The following ABLIM1 variants were observed in gnomAD, a reference collection of about 807,000 sequenced individuals.
ABLIM1 encodes actin-binding LIM protein 1.
A neutral mutation model predicts 107.0 loss-of-function variants in ABLIM1; 40 were observed. The observed-to-expected ratio is 0.37, with a 90% CI of 0.29 to 0.49. The LOEUF (loss-of-function observed/expected upper bound fraction) is 0.49. ABLIM1 is among the 20% of genes least tolerant of loss of function. The pLI, the probability that ABLIM1 is intolerant of heterozygous loss-of-function variation, is 0.97. For synonymous variants in ABLIM1, 357 were observed against 357.3 expected (o/e 1.00, Z 0.01); for missense variants, 857 against 1,008.5 (o/e 0.85, Z 2.04).
chr10:114,495,355 C>T (rs1370014083), intron 6 of ABLIM1, among the ~76,000 whole-genome samples: 1 of 151,796 alleles, frequency 6.6e-6, no homozygotes, highest in Non-Finnish European at 1.5e-5. Context: ...CTCTTGGAAC[C>T]TCTATTGTAA....
chr10:114,581,672 G>C (rs2073394073), intron 2 of ABLIM1, among the ~76,000 whole-genome samples: 1 of 151,970 alleles, frequency 6.6e-6, no homozygotes, highest in South Asian at 2.1e-4. Flanking sequence ...GCCTTGGGTG[G>C]GTCCTTTCTT....
chr10:114,497,551 G>C (rs189647668), intron 6 of ABLIM1, among the ~76,000 whole-genome samples: 1 of 151,816 alleles, frequency 6.6e-6, no homozygotes, highest in African/African-American at 2.4e-5. Flanking sequence ...GCTTGGTGGC[G>C]GGCGCCTATA....
At chr10:114,443,977 C>T in intron 17 of ABLIM1, 52 bp downstream of exon 17, 1 of 1,463,348 alleles carries the variant, frequency 6.8e-7, no homozygotes, top group East Asian at 2.3e-5. Flanking sequence ...AGGTGCCTTA[C>T]AAGCAGGTGG....
intron 7 of ABLIM1, among the ~76,000 whole-genome samples, chr10:114,489,664 C>T (rs1320394729): frequency 2.6e-5 from 4 of 152,082 alleles, no homozygotes; most frequent in Admixed American, 1.3e-4. Flanking sequence ...AAGCATTCGC[C>T]GTGAAGGTTC....
the ABLIM1 span, among the ~76,000 whole-genome samples, chr10:114,793,588 C>T: frequency 1.3e-5 from 2 of 152,172 alleles, no homozygotes; most frequent in African/African-American, 4.8e-5. Context: ...GGCCCCAGCT[C>T]CTGCACCTGA....
chr10:114,672,816 T>C (rs1377105499), intron 1 of ABLIM1, among the ~76,000 whole-genome samples: 1 of 152,224 alleles, frequency 6.6e-6, no homozygotes, highest in East Asian at 1.9e-4. Context: ...AGGTTCATTT[T>C]TCCCCCACAT....
At chr10:114,521,290 G>A (rs941436578) in intron 6 of ABLIM1, among the ~76,000 whole-genome samples, 4 of 152,174 alleles carry the variant, frequency 2.6e-5, no homozygotes, top group South Asian at 2.1e-4. Context: ...TACGCCTTTC[G>A]GCAACTGCTC....
intron 14 of ABLIM1, chr10:114,450,062 G>A: frequency 2.7e-6 from 1 of 376,024 alleles, no homozygotes; most frequent in Admixed American, 4.3e-5. Flanking sequence ...ATTTTTTAAA[G>A]CCTGTAAGTT....
intron 2 of ABLIM1, among the ~76,000 whole-genome samples, chr10:114,576,620 T>A (rs954394513): frequency 5.9e-5 from 9 of 152,104 alleles, no homozygotes; most frequent in Admixed American, 5.2e-4. Flanking sequence ...ACTCCTTAAT[T>A]CATCTAGATG....
Position 114,575,745 on chromosome 10 carries a change from T to C in ABLIM1, c.380-146A>G, listed in dbSNP as rs116733384. On this transcript the variant is annotated intron_variant, in intron 2 of 22. Coordinates refer to ENST00000533213, the MANE Select transcript of ABLIM1 (RefSeq NM_002313.7). Reference sequence around the variant, plus strand: ...GATGGCTACAAAGAGCTATTTATTATTGGGCTCTGACCCTCCCTTTGGGAG... The same window carrying C: ...GATGGCTACAAAGAGCTATTTATTACTGGGCTCTGACCCTCCCTTTGGGAG... 6.7e-4 allele frequency: 566 copies of C among 840,040 alleles called. 4 individuals carry two copies. The African/African-American group carries it at 8.0e-3, about 12-fold the overall frequency. The allele number at this position is 840,040 out of a possible 1,614,324, so 52.0% of individuals were successfully genotyped here.
At chr10:114,468,823 T>G (rs910491012) in intron 10 of ABLIM1, among the ~76,000 whole-genome samples, 13 of 151,418 alleles carry the variant, frequency 8.6e-5, no homozygotes, top group African/African-American at 2.7e-4. Context: ...AGGCTGAGGC[T>G]GGCGGACCAC....
At chr10:114,636,804 G>C (rs80253906) in intron 1 of ABLIM1, among the ~76,000 whole-genome samples, 12,622 of 152,070 alleles carry the variant, frequency 0.083, 1,000 homozygotes, top group East Asian at 0.44. Context: ...AGGTTGAGGT[G>C]GATGGATCAC....
At chr10:114,545,598 T>C (rs1465823043) in intron 5 of ABLIM1, among the ~76,000 whole-genome samples, 2 of 152,062 alleles carry the variant, frequency 1.3e-5, no homozygotes, top group South Asian at 2.1e-4. Flanking sequence ...AGCTATAAAA[T>C]ATTGTTAATG....
chr10:114,439,898 C>G, intron 20 of ABLIM1, 184 bp downstream of exon 20: 1 of 1,005,306 alleles, frequency 9.9e-7, no homozygotes, highest in Non-Finnish European at 1.4e-6. Context: ...CCAAGGCCTG[C>G]AGGGACAGCT....
intron 4 of ABLIM1, among the ~76,000 whole-genome samples, chr10:114,565,796 T>TTTTTC (rs1168377626): frequency 3.0e-5 from 2 of 67,444 alleles, no homozygotes; most frequent in African/African-American, 1.9e-4. Context: ...TTCTTTTTTT[T>TTTTTC]TTTTTTTTTT....
intron 2 of ABLIM1, among the ~76,000 whole-genome samples, chr10:114,589,602 G>A (rs1381617691): frequency 6.6e-6 from 1 of 151,708 alleles, no homozygotes; most frequent in Non-Finnish European, 1.5e-5. Context: ...CTAATCACAG[G>A]TGCGATCATA....
rs201963280 is a variant in ABLIM1, at chr10:114,737,793, A to G, written c.-213+30268T>C. The stretch of plus-strand genomic sequence containing the variant: ...GGTCTCAGGAGATAGTGGCCAAAAT[A>G]GGAATGATTTCTCTCTTGCAGATTC... On this transcript the variant is annotated intron_variant, in intron 1 of 15. Transcript: ENST00000651092. Among the ~76,000 whole-genome samples, 30 of 152,274 alleles carry G rather than the reference A, an allele frequency of 2.0e-4. No individual in the cohort carries two copies. In the East Asian group the frequency reaches 5.8e-3, roughly 29 times the overall value.
At chr10:114,524,093 T>C (rs2064223635) in intron 6 of ABLIM1, among the ~76,000 whole-genome samples, 1 of 152,206 alleles carries the variant, frequency 6.6e-6, no homozygotes, top group African/African-American at 2.4e-5. Context: ...TAGACTTCAA[T>C]AAGTCAAGGT....
chr10:114,436,476 A>G, intron 22 of ABLIM1, 103 bp from the exon 23 acceptor site: 1 of 854,650 alleles, frequency 1.2e-6, no homozygotes, highest in Non-Finnish European at 1.8e-6. Context: ...TCTGAAGAAC[A>G]AGGCAGGAGG....
Sources: gnomAD v4.1 joint callset for allele counts (sites outside exome capture counted in the v4.1 genomes callset) on GRCh38, gnomAD v4.1.1 for gene constraint, MANE v1.5 for transcripts, NCBI Gene and HGNC (gene_info 2026-07-23, HGNC 2026-07-21) for gene names.